CHCHD3: variants seen among roughly 807,000 people sequenced by gnomAD.
CHCHD3 encodes MICOS complex subunit MIC19.
In CHCHD3, 20 loss-of-function variants were observed where a neutral mutation model predicts 38.2. The observed-to-expected ratio is 0.52, with a 90% confidence interval of 0.37 to 0.76. The LOEUF is 0.76. Among genes scored for constraint, CHCHD3 ranks in the 30% least tolerant of loss-of-function variants. The pLI is 0.00. For synonymous variants in CHCHD3, 82 were observed against 100.0 expected, an observed-to-expected ratio of 0.82 and a Z score of 1.07; for missense variants, 245 against 279.2, an observed-to-expected ratio of 0.88 and a Z score of 0.87.
chr7:132,849,450 A>G (rs1259544037), intron 5 of CHCHD3: 3 of 152,208 alleles, frequency 2.0e-5, no homozygotes, highest in Non-Finnish European at 2.9e-5. Flanking sequence ...AATTTGTCTC[A>G]GCCCTATTTC....
chr7:133,047,673 T>G (rs1814033772), intron 2 of CHCHD3, among the ~76,000 whole-genome samples: 1 of 152,178 alleles, frequency 6.6e-6, no homozygotes, highest in South Asian at 2.1e-4. Flanking sequence ...AACTAATATC[T>G]CAGCTAATGC....
chr7:132,920,848 TA>T (rs61433548), intron 4 of CHCHD3, among the ~76,000 whole-genome samples: 2,859 of 144,350 alleles, frequency 0.02, 98 homozygotes, highest in African/African-American at 0.066. Flanking sequence ...CAGACTGCCT[TA>T]AAAAAAAAAA....
At chr7:132,990,943 GACACACAT>G (rs1300488465) in intron 3 of CHCHD3, among the ~76,000 whole-genome samples, 1,529 of 79,486 alleles carry the variant, frequency 0.019, 23 homozygotes, top group African/African-American at 0.073. Context: ...CCCCTACACA[GACACACAT>G]ACACACACAC....
intron 4 of CHCHD3, among the ~76,000 whole-genome samples, chr7:132,911,108 A>C (rs997357840): frequency 5.9e-5 from 9 of 152,226 alleles, no homozygotes; most frequent in African/African-American, 2.2e-4. Context: ...TAAAAGGGCA[A>C]GAAGAGATGG....
chr7:132,941,613 A>G (rs996011781), intron 4 of CHCHD3, among the ~76,000 whole-genome samples: 2 of 152,178 alleles, frequency 1.3e-5, no homozygotes, highest in African/African-American at 4.8e-5. Context: ...TATTACTGGC[A>G]ACACCAAAAA....
At chr7:132,877,877 C>T (rs1291442934) in intron 5 of CHCHD3, among the ~76,000 whole-genome samples, 2 of 152,124 alleles carry the variant, frequency 1.3e-5, no homozygotes, top group African/African-American at 2.4e-5. Flanking sequence ...GTATAACCCA[C>T]GTAGGCACAT....
At chr7:133,064,543 T>C (rs1814613651) in intron 2 of CHCHD3, among the ~76,000 whole-genome samples, 2 of 152,200 alleles carry the variant, frequency 1.3e-5, no homozygotes, top group Non-Finnish European at 2.9e-5. Flanking sequence ...TAAAAATAAC[T>C]AGGAGGGCCA....
chr7:133,013,388 C>T (rs1484099772), intron 3 of CHCHD3, among the ~76,000 whole-genome samples: 2 of 152,074 alleles, frequency 1.3e-5, no homozygotes, highest in Non-Finnish European at 2.9e-5. Flanking sequence ...CTCTGTGTTT[C>T]GGCTACTTCA....
intron 4 of CHCHD3, among the ~76,000 whole-genome samples, chr7:132,956,961 C>T (rs1009081300): frequency 4.6e-5 from 7 of 152,194 alleles, no homozygotes; most frequent in African/African-American, 1.7e-4. Flanking sequence ...CCCAAATGCC[C>T]TCTGTGTGTC....
intron 2 of CHCHD3, among the ~76,000 whole-genome samples, chr7:133,051,155 C>T (rs1814152274): frequency 6.6e-6 from 1 of 152,166 alleles, no homozygotes; most frequent in Non-Finnish European, 1.5e-5. Flanking sequence ...AGCATAACAA[C>T]AATTACACCT....
intron 2 of CHCHD3, among the ~76,000 whole-genome samples, chr7:133,065,807 C>CT (rs1469302173): frequency 4.6e-5 from 7 of 152,028 alleles, no homozygotes; most frequent in African/African-American, 1.7e-4. Flanking sequence ...AAGAATAAAT[C>CT]TTTGTTAATT....
chr7:132,894,937 A>G (rs1809457022), intron 4 of CHCHD3, among the ~76,000 whole-genome samples: 2 of 152,220 alleles, frequency 1.3e-5, no homozygotes, highest in South Asian at 4.1e-4. Context: ...GAAGCTCAAA[A>G]AGTAGGAGGC....
chr7:133,004,237 C>G (rs1234233495), intron 3 of CHCHD3, among the ~76,000 whole-genome samples: 2 of 152,206 alleles, frequency 1.3e-5, no homozygotes, highest in Admixed American at 1.3e-4. Context: ...GCTGGGATTA[C>G]AGGCATGAGC....
intron 4 of CHCHD3, among the ~76,000 whole-genome samples, chr7:132,913,948 CT>C (rs71178066): frequency 0.017 from 1,749 of 102,152 alleles, 15 homozygotes; most frequent in South Asian, 0.035. Context: ...TTTTCTTTTT[CT>C]TTTTTTTTTT....
chr7:132,868,156 A>G (rs1808677816), intron 5 of CHCHD3, among the ~76,000 whole-genome samples: 2 of 152,228 alleles, frequency 1.3e-5, no homozygotes, highest in African/African-American at 2.4e-5. Flanking sequence ...AGATCCACAA[A>G]TATAAAAAAT....
chr7:132,885,819 G>T, intron 4 of CHCHD3, 74 bp from the exon 5 acceptor site: 1 of 1,047,668 alleles, frequency 9.5e-7, no homozygotes, highest in Non-Finnish European at 1.4e-6. Flanking sequence ...AGAATAAATT[G>T]CATTAGAAAT....
intron 2 of CHCHD3, among the ~76,000 whole-genome samples, chr7:133,040,831 C>T (rs1185049851): frequency 6.6e-6 from 1 of 152,258 alleles, no homozygotes; most frequent in South Asian, 2.1e-4. Flanking sequence ...TCTCTCACTC[C>T]CCTATACTAC....
chr7:133,008,425 G>GAAAA (rs988855864), intron 3 of CHCHD3, among the ~76,000 whole-genome samples: 1 of 74,086 alleles, frequency 1.3e-5, no homozygotes. Flanking sequence ...ATGCAGAAAA[G>GAAAA]AAAAAAAAAA....
chr7:132,982,789 C>T (rs1811952024), intron 3 of CHCHD3, among the ~76,000 whole-genome samples: 1 of 152,042 alleles, frequency 6.6e-6, no homozygotes, highest in South Asian at 2.1e-4. Context: ...CTTTTAAGTA[C>T]AGCTGAACCT....
Sources: gnomAD v4.1 joint callset for allele counts (sites outside exome capture counted in the v4.1 genomes callset) on GRCh38, gnomAD v4.1.1 for gene constraint, MANE v1.5 for transcripts, NCBI Gene and HGNC (gene_info 2026-07-23, HGNC 2026-07-21) for gene names.